Variants in SPAG9 observed in about 807,000 individuals in gnomAD.
The protein encoded by SPAG9 is sperm associated antigen 9.
A neutral mutation model predicts 166.5 loss-of-function variants in SPAG9; 35 were observed. The observed-to-expected ratio is 0.21, with a 90% confidence interval of 0.16 to 0.28. The LOEUF (loss-of-function observed/expected upper bound fraction) is 0.28, where lower values mean the gene tolerates loss of function less well. SPAG9 is among the 10% of genes least tolerant of loss of function. SPAG9 has a pLI of 1.00. For missense variants in SPAG9, 1,235 were observed against 1,603.3 expected, an observed-to-expected ratio of 0.77 and a Z score of 3.92; for synonymous variants, 534 against 565.5, an observed-to-expected ratio of 0.94 and a Z score of 0.79.
At chr17:51,087,492 G>C (rs1455310829) in intron 1 of SPAG9, among the ~76,000 whole-genome samples, 1 of 152,122 alleles carries the variant, frequency 6.6e-6, no homozygotes, top group East Asian at 1.9e-4. Flanking sequence ...ATAGCATAAG[G>C]GAAGTAATGA....
chr17:51,016,806 CAGG>C (rs1261339463), intron 8 of SPAG9, among the ~76,000 whole-genome samples: 4 of 152,084 alleles, frequency 2.6e-5, no homozygotes, highest in African/African-American at 9.7e-5. Flanking sequence ...GATGCTGAGG[CAGG>C]AGAATTGCTT....
At chr17:51,096,238 A>G (rs1413266877) in intron 1 of SPAG9, among the ~76,000 whole-genome samples, 1 of 151,404 alleles carries the variant, frequency 6.6e-6, no homozygotes, top group African/African-American at 2.4e-5. Context: ...AGTCCCAGCT[A>G]CTTGGGAGGC....
intron 1 of SPAG9, among the ~76,000 whole-genome samples, chr17:51,095,252 C>A (rs965925034): frequency 1.4e-5 from 2 of 143,746 alleles, no homozygotes; most frequent in Non-Finnish European, 3.0e-5. Context: ...GCCGAGAACT[C>A]GCCACTGCAC....
chr17:51,011,459 C>T (rs962036799), intron 9 of SPAG9, among the ~76,000 whole-genome samples: 2 of 151,410 alleles, frequency 1.3e-5, no homozygotes, highest in African/African-American at 4.9e-5. Context: ...CTTGGCTCTC[C>T]GCAACCTCCA....
Position 51,031,695 on chromosome 17 carries a change from C to A in SPAG9, c.769G>T (p.Ala257Ser), listed in dbSNP as rs1343826252. The change falls in exon 6 of 30, where the codon GCT (alanine) becomes TCT (serine). Residue 257 changes from alanine to serine, a missense_variant. Coordinates refer to ENST00000262013, the MANE Select transcript of SPAG9 (RefSeq NM_001130528.3). Reference sequence around the variant, plus strand: ...ACCATTCTCACCTCCTGTTCTACAGCCTTCTGAGGTTCAGGACTATTGCTG... The same window carrying A: ...ACCATTCTCACCTCCTGTTCTACAGACTTCTGAGGTTCAGGACTATTGCTG... ...KVSNSPEPQK[A>S]VEQEDELSDV... 1 of 1,551,106 alleles carries A rather than the reference C, an allele frequency of 6.4e-7. No individual in the cohort carries two copies. The highest frequency in any genetic ancestry group is 8.7e-7 in the Non-Finnish European group (1 of 1,146,626).
Position 51,111,206 on chromosome 17 carries a change from T to C in SPAG9, c.303+9148A>G, listed in dbSNP as rs191721841. On this transcript the variant is annotated intron_variant, in intron 1 of 29. Coordinates refer to ENST00000262013, the MANE Select transcript of SPAG9 (RefSeq NM_001130528.3). ...ATTTCAAAGTAAAAAACAGAACTTA[T>C]ATATACCCATTTCCAAATAACAGCT... Among the ~76,000 whole-genome samples the C allele has an allele frequency of 5.1e-4, 77 of 152,292 alleles. 1 individual carries two copies. The highest frequency in any genetic ancestry group is 1.8e-3 in the African/African-American group (73 of 41,572).
At chr17:51,035,319 T>A (rs2046544084) in intron 5 of SPAG9, among the ~76,000 whole-genome samples, 1 of 152,346 alleles carries the variant, frequency 6.6e-6, no homozygotes, top group East Asian at 1.9e-4. Context: ...CATCAGGGGA[T>A]GCTGCGTGAA....
intron 3 of SPAG9, among the ~76,000 whole-genome samples, chr17:51,049,937 G>A (rs1598086019): frequency 6.6e-6 from 1 of 152,208 alleles, no homozygotes; most frequent in African/African-American, 2.4e-5. Context: ...GTAATTGTAT[G>A]TATGGGATTG....
rs894354766 is a variant in SPAG9 at position 50,993,761 on chromosome 17, T to C, written c.2398+3A>G. The C allele has an allele frequency of 9.9e-6, 16 of 1,613,674 alleles. No homozygotes were observed. The highest frequency in any genetic ancestry group is 1.4e-5 in the Non-Finnish European group (16 of 1,179,756). ...GGCAGAGAAACGCATGACTCACTCT[T>C]ACCTGGCACACTTGCAATGCACAGA... On this transcript the variant is annotated splice_donor_region_variant and intron_variant, in intron 19 of 29. Transcript: ENST00000262013.
chr17:51,076,151 G>A lies in SPAG9; in HGVS notation c.424+3433C>T, dbSNP rs1306027016. Among the ~76,000 whole-genome samples, 3 of 152,114 alleles carry A rather than the reference G, an allele frequency of 2.0e-5. No individual in the cohort carries two copies. In the East Asian group the frequency reaches 5.8e-4, roughly 29 times the overall value. On this transcript the variant is annotated intron_variant, in intron 2 of 29. Coordinates refer to ENST00000262013, the MANE Select transcript of SPAG9 (RefSeq NM_001130528.3). ...AAAAATTTTTTTCAGGCTGGGCAAG[G>A]TGGCTCATGCCTGTAATGCCAGCAC...
In SPAG9 at chr17:50,973,304, G is replaced by A. The variant is rs546395981; in HGVS notation, c.3700+1467C>T. Among the ~76,000 whole-genome samples, 24 of 152,160 alleles carry A rather than the reference G, an allele frequency of 1.6e-4. No homozygotes were observed. In the South Asian group the frequency reaches 4.4e-3, roughly 28 times the overall value. On this transcript the variant is annotated intron_variant, in intron 28 of 29. Coordinates refer to ENST00000262013, the MANE Select transcript of SPAG9 (RefSeq NM_001130528.3). ...TCAAGATAGTGGTTACCAATGGAGA[G>A]GAAAAGGAGAGGAGAATGGGATTGG...
At chr17:51,038,145 T>C (rs145901077) in intron 5 of SPAG9, among the ~76,000 whole-genome samples, 211 of 152,194 alleles carry the variant, frequency 1.4e-3, no homozygotes, top group Non-Finnish European at 2.4e-3. Flanking sequence ...CTAGGCAAGG[T>C]AAAGCATATG....
chr17:50,968,695 C>T (rs1973542018), intron 29 of SPAG9, among the ~76,000 whole-genome samples: 2 of 152,028 alleles, frequency 1.3e-5, no homozygotes, highest in African/African-American at 4.8e-5. Context: ...TGTGCCACTG[C>T]ACTCCAGCCT....
chr17:51,017,954 G>A (rs1189816192), intron 8 of SPAG9, among the ~76,000 whole-genome samples: 3 of 151,986 alleles, frequency 2.0e-5, no homozygotes, highest in Non-Finnish European at 2.9e-5. Flanking sequence ...TCAATAAATG[G>A]CTTGTATTTT....
chr17:51,049,414 G>A (rs1464639654), intron 3 of SPAG9, among the ~76,000 whole-genome samples: 1 of 151,982 alleles, frequency 6.6e-6, no homozygotes, highest in African/African-American at 2.4e-5. Flanking sequence ...AGTAGCTAAT[G>A]CCTGTAATCC....
rs571094828 is a variant in SPAG9 at position 50,976,977 on chromosome 17, G to C, written c.3523+131C>G. 6.6e-6 allele frequency: 4 copies of C among 605,900 alleles called. No homozygotes were observed. In the East Asian group the frequency reaches 8.4e-5, roughly 13 times the overall value. 37.5% of individuals were successfully genotyped at this position (605,900 alleles called of 1,614,324 possible). ...TTTCCTAGAATTTATAAGTTTCATT[G>C]AGTGAAGTAACTATAGCTAGATCTT... On this transcript the variant is annotated intron_variant, in intron 27 of 29. Coordinates refer to ENST00000262013, the MANE Select transcript of SPAG9 (RefSeq NM_001130528.3).
chr17:50,999,496 TAAAA>T, intron 14 of SPAG9, 161 bp downstream of exon 14: 4 of 1,291,602 alleles, frequency 3.1e-6, no homozygotes, highest in South Asian at 1.5e-5. Flanking sequence ...CACTATATAT[TAAAA>T]AAAAAAAAAA....
At chr17:51,106,002 T>C (rs1034960339) in intron 1 of SPAG9, among the ~76,000 whole-genome samples, 7 of 152,118 alleles carry the variant, frequency 4.6e-5, no homozygotes, top group African/African-American at 1.7e-4. Context: ...CAGTGGTTCA[T>C]GTCTGTAATA....
chr17:51,093,166 G>A (rs892438714), intron 1 of SPAG9, among the ~76,000 whole-genome samples: 1 of 149,102 alleles, frequency 6.7e-6, no homozygotes, highest in African/African-American at 2.5e-5. Flanking sequence ...CTTGAGCTCA[G>A]GAGTTCGAGA....
Sources: gnomAD v4.1 joint callset for allele counts (sites outside exome capture counted in the v4.1 genomes callset) on GRCh38, gnomAD v4.1.1 for gene constraint, MANE v1.5 for transcripts, NCBI Gene and HGNC (gene_info 2026-07-23, HGNC 2026-07-21) for gene names.